The following CADM1 variants were observed in gnomAD, a reference collection of about 807,000 sequenced individuals.
CADM1 encodes the protein cell adhesion molecule 1.
A neutral mutation model predicts 53.1 loss-of-function variants in CADM1; 15 were observed. That is an observed-to-expected ratio of 0.28 (90% confidence interval 0.19 to 0.44). The LOEUF (loss-of-function observed/expected upper bound fraction) is 0.44. Ranked by LOEUF, CADM1 falls within the 20% of genes least tolerant of loss-of-function variation. CADM1 has a pLI of 1.00. For synonymous variants in CADM1, 281 were observed against 243.0 expected (o/e 1.16, Z -1.45); for missense variants, 434 against 611.3 (o/e 0.71, Z 3.06).
intron 1 of CADM1, among the ~76,000 whole-genome samples, chr11:115,311,440 C>CAA (rs1229186320): frequency 6.6e-6 from 1 of 152,114 alleles, no homozygotes; most frequent in Admixed American, 6.6e-5. Context: ...CATGCATATT[C>CAA]AAGTCCTGCC....
intron 1 of CADM1, among the ~76,000 whole-genome samples, chr11:115,326,939 A>G (rs1944973501): frequency 1.3e-5 from 2 of 152,116 alleles, no homozygotes; most frequent in African/African-American, 4.8e-5. Flanking sequence ...AAAACTTACC[A>G]CCGGGCTATA....
chr11:115,335,594 A>G (rs1945247665), intron 1 of CADM1, among the ~76,000 whole-genome samples: 1 of 152,160 alleles, frequency 6.6e-6, no homozygotes, highest in Non-Finnish European at 1.5e-5. Flanking sequence ...ATCTGAAACC[A>G]CATCAAAGAA....
chr11:115,400,659 G>GTA (rs1160438904), intron 1 of CADM1, among the ~76,000 whole-genome samples: 68 of 38,620 alleles, frequency 1.8e-3, no homozygotes, highest in South Asian at 2.7e-3. Context: ...GTGTGTGTGT[G>GTA]TGTATATATA....
chr11:115,442,250 T>C (rs1948332121), intron 1 of CADM1, among the ~76,000 whole-genome samples: 1 of 151,840 alleles, frequency 6.6e-6, no homozygotes, highest in African/African-American at 2.4e-5. Flanking sequence ...AATACAATCA[T>C]AATATATGAA....
chr11:115,476,708 G>C (rs1421196188), intron 1 of CADM1, among the ~76,000 whole-genome samples: 1 of 152,176 alleles, frequency 6.6e-6, no homozygotes, highest in Admixed American at 6.5e-5. Context: ...GGGTGATAAA[G>C]ACTTCCTAGT....
intron 1 of CADM1, among the ~76,000 whole-genome samples, chr11:115,249,613 T>C (rs1242360401): frequency 1.3e-5 from 2 of 152,178 alleles, no homozygotes; most frequent in Non-Finnish European, 2.9e-5. Context: ...AAGATACAAA[T>C]ATTAGGTTCT....
chr11:115,219,054 T>C (rs1380505260), intron 5 of CADM1, among the ~76,000 whole-genome samples: 1 of 152,176 alleles, frequency 6.6e-6, no homozygotes, highest in African/African-American at 2.4e-5. Context: ...TGTAAATGCA[T>C]ATTTTTGGAA....
intron 3 of CADM1, among the ~76,000 whole-genome samples, chr11:115,233,364 T>C (rs1941894067): frequency 6.6e-6 from 1 of 152,228 alleles, no homozygotes; most frequent in African/African-American, 2.4e-5. Flanking sequence ...GCTAGCATTT[T>C]ATGAGACACA....
intron 1 of CADM1, among the ~76,000 whole-genome samples, chr11:115,465,068 G>A (rs1469329464): frequency 6.6e-6 from 1 of 152,156 alleles, no homozygotes; most frequent in Non-Finnish European, 1.5e-5. Flanking sequence ...TGATGCTAAT[G>A]AGGAAGCTGA....
intron 1 of CADM1, among the ~76,000 whole-genome samples, chr11:115,489,669 T>C (rs978558502): frequency 6.6e-6 from 1 of 152,194 alleles, no homozygotes; most frequent in African/African-American, 2.4e-5. Flanking sequence ...ACGAAATGTG[T>C]AGCGGGCATA....
chr11:115,323,796 A>G (rs1013851154), intron 1 of CADM1, among the ~76,000 whole-genome samples: 12 of 152,138 alleles, frequency 7.9e-5, no homozygotes, highest in African/African-American at 2.7e-4. Flanking sequence ...GGAGGAGGAA[A>G]AGGAGAACAA....
Position 115,427,937 on chromosome 11 carries a change from C to A in CADM1, c.124+76334G>T, listed in dbSNP as rs1035888937. On this transcript the variant is annotated intron_variant, in intron 1 of 11. Coordinates refer to ENST00000331581, the MANE Select transcript of CADM1 (RefSeq NM_001301043.2). ...TAAGAGAATCCTTAAGCCCATGAGGCGGAGCTTGCAGTGAATCAAGATCAT... is the reference window on the plus strand; with the variant it reads ...TAAGAGAATCCTTAAGCCCATGAGGAGGAGCTTGCAGTGAATCAAGATCAT... 3.0e-5 allele frequency among the ~76,000 whole-genome samples: 4 copies of A among 134,706 alleles called. No homozygotes were observed. The Admixed American group carries it at 3.4e-4, about 11-fold the overall frequency. The allele number at this position is 134,706 out of a possible 152,430, so 88.4% of individuals were successfully genotyped here.
At chr11:115,290,252 G>T (rs557470959) in intron 1 of CADM1, among the ~76,000 whole-genome samples, 12 of 152,278 alleles carry the variant, frequency 7.9e-5, no homozygotes, top group African/African-American at 2.9e-4. Context: ...CTTCTGAGGG[G>T]AATGTTCATC....
intron 1 of CADM1, among the ~76,000 whole-genome samples, chr11:115,413,634 C>T (rs1947512278): frequency 9.4e-6 from 1 of 106,932 alleles, no homozygotes; most frequent in Admixed American, 8.2e-5. Flanking sequence ...AGTGTGGCTC[C>T]AGCTCAGTTC....
In CADM1 at chr11:115,295,506, T is replaced by TTATATATA. The variant is rs71066412; in HGVS notation, c.125-55094_125-55087dup. 8.1e-3 allele frequency among the ~76,000 whole-genome samples: 442 copies of TTATATATA among 54,794 alleles called. 1 individual carries two copies. Among genetic ancestry groups the TTATATATA allele is most frequent in the Middle Eastern group, 0.014 (1 of 70 alleles). 35.9% of individuals were successfully genotyped at this position (54,794 alleles called of 152,430 possible). On this transcript the variant is annotated intron_variant, in intron 1 of 11. Coordinates refer to ENST00000331581, the MANE Select transcript of CADM1 (RefSeq NM_001301043.2). Reference sequence around the variant, plus strand: ...TACTATATGCTTTGATCAAGATATTTTATATATATATATATATATATATAT... The same window carrying TTATATATA: ...TACTATATGCTTTGATCAAGATATTTTATATATATATATATATATATATATATATATAT...
At chr11:115,286,949 G>A (rs960425797) in intron 1 of CADM1, among the ~76,000 whole-genome samples, 6 of 152,182 alleles carry the variant, frequency 3.9e-5, no homozygotes, top group South Asian at 2.1e-4. Context: ...AAAGCTACTC[G>A]AAGCTGTTAT....
intron 1 of CADM1, among the ~76,000 whole-genome samples, chr11:115,311,100 T>C (rs1331957629): frequency 6.6e-6 from 1 of 152,212 alleles, no homozygotes; most frequent in Admixed American, 6.5e-5. Flanking sequence ...CTGTTTTCCA[T>C]GACTGTAGAT....
chr11:115,427,254 C>A (rs1312778414), intron 1 of CADM1, among the ~76,000 whole-genome samples: 1 of 152,186 alleles, frequency 6.6e-6, no homozygotes, highest in African/African-American at 2.4e-5. Context: ...GAGGAAAAAT[C>A]TTCAAACAAC....
In CADM1 at chr11:115,486,734, T is replaced by C. The variant is rs561245784; in HGVS notation, c.124+17537A>G. On this transcript the variant is annotated intron_variant, in intron 1 of 11. Transcript: ENST00000331581. ...TAATCCCATCTCTCACTAGCCATTT[T>C]AGTTTTCCTACCTGTAAGCCTTTAT... Among the ~76,000 whole-genome samples the C allele has an allele frequency of 7.9e-5, 12 of 152,356 alleles. No individual in the cohort carries two copies. In the South Asian group the frequency reaches 1.7e-3, roughly 21 times the overall value.
Sources: gnomAD v4.1 joint callset for allele counts (sites outside exome capture counted in the v4.1 genomes callset) on GRCh38, gnomAD v4.1.1 for gene constraint, MANE v1.5 for transcripts, NCBI Gene and HGNC (gene_info 2026-07-23, HGNC 2026-07-21) for gene names.